Variants in CEACAM3 observed in about 807,000 individuals in gnomAD.
The protein encoded by CEACAM3 is cell adhesion molecule CEACAM3.
CEACAM3 carries 32 observed loss-of-function variants against 30.1 expected under a neutral mutation model. That is an observed-to-expected ratio of 1.06 (90% CI 0.80 to 1.43). The LOEUF (loss-of-function observed/expected upper bound fraction) is 1.43, where lower values mean the gene tolerates loss of function less well. Among genes scored for constraint, CEACAM3 ranks in the 40% most tolerant of loss-of-function variants. CEACAM3 has a pLI of 0.00. For missense variants in CEACAM3, 290 were observed against 316.3 expected, an observed-to-expected ratio of 0.92 and a Z score of 0.63; for synonymous variants, 134 against 127.2, an observed-to-expected ratio of 1.05 and a Z score of -0.36.
Position 41,796,761 on chromosome 19 carries a change from G to C in CEACAM3, c.64+20G>C, listed in dbSNP as rs782427402. 6.2e-7 allele frequency: 1 copy of C among 1,605,818 alleles called. No homozygotes were observed. The highest frequency in any genetic ancestry group is 8.5e-7 in the Non-Finnish European group (1 of 1,176,062). On this transcript the variant is annotated intron_variant, in intron 1 of 6. Transcript: ENST00000357396. ...TCACAGGTGAGTGGAGGATTCCTGG[G>C]AGTGGGCAAGAGGAGGGATCACAGA... is the stretch of plus-strand genomic sequence containing the variant.
intron 3 of CEACAM3, 178 bp from the exon 4 acceptor site, chr19:41,809,787 G>A (rs1048284549): frequency 9.0e-6 from 6 of 666,120 alleles, no homozygotes; most frequent in Non-Finnish European, 1.4e-5. Context: ...ACAGATGTGG[G>A]TTCCTAAAGC....
chr19:41,804,249 G>C (rs1202694497), intron 2 of CEACAM3, among the ~76,000 whole-genome samples: 1 of 147,006 alleles, frequency 6.8e-6, no homozygotes, highest in African/African-American at 2.4e-5. Flanking sequence ...GCCCTGTGCT[G>C]TCTGATGGGC....
At chr19:41,809,498 G>T (rs1439896727) in intron 3 of CEACAM3, 13 of 165,756 alleles carry the variant, frequency 7.8e-5, no homozygotes, top group Non-Finnish European at 5.2e-5. Context: ...GGGGTTGAGA[G>T]AGAGGACAAG....
chr19:41,803,192 G>A (rs1315493161), intron 2 of CEACAM3, among the ~76,000 whole-genome samples: 1 of 152,176 alleles, frequency 6.6e-6, no homozygotes, highest in Non-Finnish European at 1.5e-5. Flanking sequence ...AGGTTATGAT[G>A]GAAAAAGTAG....
At chr19:41,810,488 C>A in intron 5 of CEACAM3, 134 bp downstream of exon 5, 1 of 1,100,568 alleles carries the variant, frequency 9.1e-7, no homozygotes, top group Non-Finnish European at 1.3e-6. Flanking sequence ...CTAGCCCTGC[C>A]CTGGCCAGGA....
intron 2 of CEACAM3, among the ~76,000 whole-genome samples, chr19:41,805,523 A>G (rs2123010881): frequency 6.6e-6 from 1 of 152,110 alleles, no homozygotes; most frequent in East Asian, 1.9e-4. Context: ...TCCCGACCTC[A>G]GGTGATCCGC....
chr19:41,806,450 A>G (rs1233393627), intron 2 of CEACAM3, among the ~76,000 whole-genome samples: 2 of 152,096 alleles, frequency 1.3e-5, no homozygotes, highest in Non-Finnish European at 2.9e-5. Context: ...TGAGGACCCC[A>G]AGGTCAGCCA....
chr19:41,805,636 G>A (rs1178779207), intron 2 of CEACAM3, among the ~76,000 whole-genome samples: 22 of 152,100 alleles, frequency 1.4e-4, no homozygotes, highest in Admixed American at 1.2e-3. Context: ...TAGGGACCTC[G>A]TATTCGTGGA....
intron 1 of CEACAM3, among the ~76,000 whole-genome samples, 151 bp from the exon 2 acceptor site, chr19:41,797,434 GAAGA>G: frequency 6.6e-6 from 1 of 152,286 alleles, no homozygotes; most frequent in East Asian, 1.9e-4. Flanking sequence ...TAGAGGTGCT[GAAGA>G]AAGAAAGGTC....
chr19:41,803,873 A>G (rs1555826356), intron 2 of CEACAM3, among the ~76,000 whole-genome samples: 1 of 152,086 alleles, frequency 6.6e-6, no homozygotes, highest in Non-Finnish European at 1.5e-5. Flanking sequence ...TGAGGTCAGG[A>G]GTTCGAGACC....
intron 2 of CEACAM3, 39 bp from the exon 3 acceptor site, chr19:41,808,774 A>G (rs555305610): frequency 3.2e-6 from 5 of 1,551,514 alleles, no homozygotes; most frequent in Admixed American, 3.4e-5. Flanking sequence ...TCTGGGATAG[A>G]CTTGGGCCTC....
chr19:41,799,000 A>G (rs782471115), intron 2 of CEACAM3, among the ~76,000 whole-genome samples: 5 of 152,186 alleles, frequency 3.3e-5, no homozygotes, highest in Non-Finnish European at 7.4e-5. Context: ...ATTATTAGAC[A>G]TCTGCAGGCC....
At chr19:41,807,634 C>G in intron 2 of CEACAM3, 1 of 1,195,270 alleles carries the variant, frequency 8.4e-7, no homozygotes, top group Non-Finnish European at 1.1e-6. Flanking sequence ...ATCTCAGACC[C>G]AGACTCAGTG....
intron 4 of CEACAM3, 94 bp from the exon 5 acceptor site, chr19:41,810,229 C>G: frequency 6.8e-7 from 1 of 1,475,674 alleles, no homozygotes; most frequent in Non-Finnish European, 9.3e-7. Context: ...CTCAGCTGCT[C>G]AGGTATCTTA....
intron 2 of CEACAM3, among the ~76,000 whole-genome samples, chr19:41,804,153 C>T (rs1301998378): frequency 1.3e-5 from 2 of 151,876 alleles, no homozygotes; most frequent in Admixed American, 6.6e-5. Context: ...TTTGTATTGA[C>T]AATGGCATAT....
chr19:41,800,322 C>T (rs1269495289), intron 2 of CEACAM3, among the ~76,000 whole-genome samples: 2 of 152,134 alleles, frequency 1.3e-5, no homozygotes, highest in African/African-American at 2.4e-5. Flanking sequence ...GACACTAGCG[C>T]CTGGGAAGAC....
chr19:41,810,867 C>A lies in CEACAM3; in HGVS notation c.663C>A (p.Pro221=), dbSNP rs782098988. ...TCTCCACTGCCCAGGCCCCCCTACC[C>A]AACCCCAGGACAGCAGCTTCCATCT... The part of the protein sequence containing the change: ...SPLSTAQAPL[P]NPRTAASIYE... Residue 221 remains proline, a synonymous_variant, in exon 6 of 7, where the codon CCC becomes CCA. Coordinates refer to ENST00000357396, the MANE Select transcript of CEACAM3 (RefSeq NM_001815.5). 4 of 1,613,666 alleles carry A rather than the reference C, an allele frequency of 2.5e-6. No homozygotes were observed. The highest frequency in any genetic ancestry group is 1.1e-5 in the South Asian group (1 of 91,070).
chr19:41,803,717 T>TTCA (rs2073174919), intron 2 of CEACAM3, among the ~76,000 whole-genome samples: 1 of 105,724 alleles, frequency 9.5e-6, no homozygotes, highest in Admixed American at 9.6e-5. Flanking sequence ...CTGCCCGCCT[T>TTCA]GGCCTCCAAA....
intron 5 of CEACAM3, 89 bp downstream of exon 5, chr19:41,810,443 C>A (rs2073240047): frequency 3.6e-6 from 5 of 1,386,020 alleles, no homozygotes; most frequent in Non-Finnish European, 5.0e-6. Context: ...CAGCACAGAA[C>A]AGACCCACCT....
Sources: gnomAD v4.1 joint callset for allele counts (sites outside exome capture counted in the v4.1 genomes callset) on GRCh38, gnomAD v4.1.1 for gene constraint, MANE v1.5 for transcripts, NCBI Gene and HGNC (gene_info 2026-07-23, HGNC 2026-07-21) for gene names.